FAAH2: variants seen among roughly 807,000 people sequenced by gnomAD.
The protein encoded by FAAH2 is fatty-acid amide hydrolase 2.
In FAAH2, 60 loss-of-function variants were observed where a neutral mutation model predicts 36.9. The observed-to-expected ratio is 1.63, with a 90% CI of 1.32 to 2.02. The LOEUF (loss-of-function observed/expected upper bound fraction) is 2.02. Among genes scored for constraint, FAAH2 ranks in the 30% most tolerant of loss-of-function variants. The pLI, the probability that FAAH2 is intolerant of heterozygous loss-of-function variation, is 0.00. For missense variants in FAAH2, 689 were observed against 397.5 expected (o/e 1.73, Z -6.23); for synonymous variants, 214 against 143.8 (o/e 1.49, Z -3.49).
intron 8 of FAAH2, among the ~76,000 whole-genome samples, chrX:57,445,148 G>A (rs868482975): frequency 1.0e-3 from 114 of 111,700 alleles, no homozygotes; most frequent in African/African-American, 3.5e-3. Context: ...CCGTGTATTC[G>A]AAGAGGATTG....
chrX:57,152,537 G>A, the FAAH2 span, among the ~76,000 whole-genome samples: 1 of 112,311 alleles, frequency 8.9e-6, no homozygotes. Flanking sequence ...CTAGCAATCA[G>A]CGAGACTCCG....
chrX:57,458,407 C>T (rs567465972), intron 10 of FAAH2, among the ~76,000 whole-genome samples: 6 of 111,275 alleles, frequency 5.4e-5, no homozygotes, highest in South Asian at 3.8e-4. Flanking sequence ...GCAGGAGAAT[C>T]GCTTGAACCC....
At chrX:57,295,230 G>C (rs770026758) in intron 2 of FAAH2, among the ~76,000 whole-genome samples, 1 of 112,145 alleles carries the variant, frequency 8.9e-6, no homozygotes, top group African/African-American at 3.2e-5. Context: ...TGTGTGATGA[G>C]ACTAGTTCTA....
intron 5 of FAAH2, among the ~76,000 whole-genome samples, chrX:57,343,004 T>C (rs1236180524): frequency 8.9e-6 from 1 of 112,051 alleles, no homozygotes; most frequent in Non-Finnish European, 1.9e-5. Flanking sequence ...AGGTACTACA[T>C]ATTCTTTATT....
chrX:57,324,422 A>G (rs1280684480), intron 3 of FAAH2, among the ~76,000 whole-genome samples: 3 of 111,706 alleles, frequency 2.7e-5, no homozygotes, highest in Non-Finnish European at 3.8e-5. Flanking sequence ...TCTATAAATT[A>G]CCTTGGGCAG....
At chrX:57,272,200 GA>G in the FAAH2 span, among the ~76,000 whole-genome samples, 605 of 97,683 alleles carry the variant, frequency 6.2e-3, 1 homozygote, top group Middle Eastern at 0.027. Flanking sequence ...CAAGATCAGA[GA>G]AAAAAAAAAA....
intron 10 of FAAH2, among the ~76,000 whole-genome samples, chrX:57,458,973 C>T (rs907362288): frequency 1.8e-5 from 2 of 111,785 alleles, no homozygotes; most frequent in African/African-American, 6.5e-5. Context: ...CAAGACAGAA[C>T]CGTTCACTCC....
intron 10 of FAAH2, among the ~76,000 whole-genome samples, chrX:57,449,833 A>G (rs1033245987): frequency 9.0e-6 from 1 of 111,019 alleles, no homozygotes; most frequent in Non-Finnish European, 1.9e-5. Context: ...CACCCAGCTA[A>G]GTTTTGTATT....
chrX:57,183,093 C>T, the FAAH2 span, among the ~76,000 whole-genome samples: 1 of 110,651 alleles, frequency 9.0e-6, no homozygotes, highest in Non-Finnish European at 1.9e-5. Flanking sequence ...GAGGAGCAGA[C>T]AAAATAACTT....
chrX:57,325,300 C>A (rs929059299), intron 3 of FAAH2, among the ~76,000 whole-genome samples: 5 of 110,841 alleles, frequency 4.5e-5, no homozygotes, highest in Non-Finnish European at 7.6e-5. Context: ...CTAAAATTGT[C>A]TTTTTTGGTT....
the FAAH2 span, among the ~76,000 whole-genome samples, chrX:57,271,803 G>C: frequency 6.3e-5 from 7 of 110,802 alleles, no homozygotes; most frequent in Non-Finnish European, 1.1e-4. Context: ...AAAAAAAAAA[G>C]TGCTAAAAGG....
intron 3 of FAAH2, among the ~76,000 whole-genome samples, chrX:57,311,795 T>C (rs1012006864): frequency 8.9e-6 from 1 of 111,944 alleles, no homozygotes; most frequent in African/African-American, 3.2e-5. Context: ...GTGAGTACTT[T>C]CCTAGCTAGC....
chrX:57,418,041 ACTTACTCAAGC>A (rs2055892666), intron 7 of FAAH2, among the ~76,000 whole-genome samples: 1 of 111,279 alleles, frequency 9.0e-6, no homozygotes, highest in South Asian at 3.8e-4. Flanking sequence ...GGGGAAAACC[ACTTACTCAAGC>A]CTTAGTAATT....
chrX:57,320,525 G>A (rs1268133568), intron 3 of FAAH2, among the ~76,000 whole-genome samples: 1 of 112,320 alleles, frequency 8.9e-6, no homozygotes, highest in Non-Finnish European at 1.9e-5. Flanking sequence ...AGCAACAGAT[G>A]CTGGAGAGGA....
chrX:57,479,475 C>G (rs921705011), intron 10 of FAAH2, among the ~76,000 whole-genome samples: 1 of 111,233 alleles, frequency 9.0e-6, no homozygotes, highest in Non-Finnish European at 1.9e-5. Flanking sequence ...ATTGAATGCC[C>G]TTTTTTTCCT....
chrX:57,138,434 A>G, the FAAH2 span, among the ~76,000 whole-genome samples: 1 of 110,490 alleles, frequency 9.1e-6, no homozygotes, highest in Non-Finnish European at 1.9e-5. Context: ...ATATATATAT[A>G]TATCACATTT....
chrX:57,323,366 G>T lies in FAAH2; in HGVS notation c.413-8232G>T, dbSNP rs746160894. On this transcript the variant is annotated intron_variant, in intron 3 of 10. Transcript: ENST00000374900. ...ATATATCCAGTAATGGGATGGCTGG[G>T]TCAAATGGTATTTCTAGTTCTAGAT... Among the ~76,000 whole-genome samples, 7 of 111,527 alleles carry T rather than the reference G, an allele frequency of 6.3e-5. No homozygotes were observed. In the South Asian group the frequency reaches 2.6e-3, roughly 42 times the overall value.
At chrX:57,470,638 A>G (rs1018070654) in intron 10 of FAAH2, among the ~76,000 whole-genome samples, 4 of 111,467 alleles carry the variant, frequency 3.6e-5, no homozygotes, top group Non-Finnish European at 5.7e-5. Context: ...CCAGGAGCAG[A>G]TGGACTCGCA....
the FAAH2 span, among the ~76,000 whole-genome samples, chrX:57,210,110 G>A: frequency 0.45 from 49,177 of 109,525 alleles, 11,190 homozygotes; most frequent in African/African-American, 0.88. Flanking sequence ...TCTCAGTGGT[G>A]TAGAGTTAAA....
Sources: allele counts gnomAD v4.1 joint callset (sites outside exome capture counted in the v4.1 genomes callset), GRCh38; gene constraint gnomAD v4.1.1; transcripts MANE v1.5; gene names NCBI Gene and HGNC (gene_info 2026-07-23, HGNC 2026-07-21).